NDUFA10: variants seen among roughly 807,000 people sequenced by gnomAD.
NDUFA10 encodes the protein NADH dehydrogenase [ubiquinone] 1 alpha subcomplex subunit 10, mitochondrial.
NDUFA10 carries 40 observed loss-of-function variants against 47.8 expected under a neutral mutation model. The ratio of observed to expected loss-of-function variants is 0.84; its 90% CI spans 0.65 to 1.09. The LOEUF (loss-of-function observed/expected upper bound fraction) is 1.09. Ranked by LOEUF, NDUFA10 falls within the 50% of genes least tolerant of loss-of-function variation. The probability of loss-of-function intolerance (pLI) is 0.00; values close to 1 mark genes in which losing one functional copy is unlikely to be tolerated. For synonymous variants in NDUFA10, 183 were observed against 172.2 expected, an observed-to-expected ratio of 1.06 and a Z score of -0.49; for missense variants, 413 against 451.1, an observed-to-expected ratio of 0.92 and a Z score of 0.76.
At chr2:239,916,015 T>C (rs59778184) in intron 4 of NDUFA10, among the ~76,000 whole-genome samples, 116,626 of 148,420 alleles carry the variant, frequency 0.79, 45,839 homozygotes, top group African/African-American at 0.91. Context: ...AATATACAGA[T>C]ACATAGAGAG....
intron 4 of NDUFA10, among the ~76,000 whole-genome samples, chr2:239,942,242 T>C (rs2106379226): frequency 6.6e-6 from 1 of 152,372 alleles, no homozygotes; most frequent in East Asian, 1.9e-4. Context: ...GCAGCGGTGT[T>C]CACGCGGTAG....
At chr2:240,002,221 C>T (rs544275608) in intron 8 of NDUFA10, among the ~76,000 whole-genome samples, 1 of 150,966 alleles carries the variant, frequency 6.6e-6, no homozygotes, top group East Asian at 2.0e-4. Context: ...ATCCCATCTA[C>T]TCAGGAGGCT....
intron 5 of NDUFA10, among the ~76,000 whole-genome samples, chr2:239,894,040 C>T (rs543611216): frequency 3.5e-5 from 5 of 143,590 alleles, no homozygotes; most frequent in African/African-American, 1.1e-4. Context: ...CTCCCATCCT[C>T]AACTCCATCA....
chr2:239,920,573 T>C (rs541594540), intron 4 of NDUFA10, among the ~76,000 whole-genome samples: 12 of 152,204 alleles, frequency 7.9e-5, no homozygotes, highest in African/African-American at 2.9e-4. Context: ...TTAAATAGCA[T>C]CCCCACTTGC....
At chr2:240,006,130 A>G (rs939717449) in intron 7 of NDUFA10, among the ~76,000 whole-genome samples, 3 of 152,216 alleles carry the variant, frequency 2.0e-5, no homozygotes, top group Admixed American at 1.3e-4. Flanking sequence ...TAGTTTCGGG[A>G]ATTTGAGTAA....
intron 3 of NDUFA10, among the ~76,000 whole-genome samples, chr2:240,019,461 T>C (rs1272695707): frequency 6.6e-6 from 1 of 152,142 alleles, no homozygotes; most frequent in Non-Finnish European, 1.5e-5. Flanking sequence ...ATTTAACAAG[T>C]AAAATGTTTC....
chr2:239,994,082 AACAG>A (rs765422332), intron 8 of NDUFA10, among the ~76,000 whole-genome samples: 13 of 152,218 alleles, frequency 8.5e-5, no homozygotes, highest in Admixed American at 3.3e-4. Flanking sequence ...AGTGCTGTGG[AACAG>A]ACAAATTATT....
chr2:239,940,327 G>C (rs1315585943), intron 4 of NDUFA10, among the ~76,000 whole-genome samples: 1 of 152,264 alleles, frequency 6.6e-6, no homozygotes, highest in Non-Finnish European at 1.5e-5. Context: ...CAAGGGAAGA[G>C]AGTGTGTGGC....
At chr2:239,976,936 T>C (rs1054664627) in intron 9 of NDUFA10, among the ~76,000 whole-genome samples, 1 of 152,116 alleles carries the variant, frequency 6.6e-6, no homozygotes, top group African/African-American at 2.4e-5. Context: ...ACAGCAGCTG[T>C]GCACCTCTTA....
intron 9 of NDUFA10, among the ~76,000 whole-genome samples, chr2:239,961,906 T>A (rs11884895): frequency 0.065 from 9,867 of 152,032 alleles, 1,054 homozygotes; most frequent in African/African-American, 0.22. Context: ...AGGCCCCACT[T>A]CTCCCACCAT....
At chr2:239,978,563 C>T (rs888719522) in intron 9 of NDUFA10, among the ~76,000 whole-genome samples, 3 of 152,216 alleles carry the variant, frequency 2.0e-5, no homozygotes, top group African/African-American at 7.2e-5. Context: ...AGCCAGCCTA[C>T]ACAGGACACC....
At chr2:239,915,837 C>T (rs1035015962) in intron 4 of NDUFA10, among the ~76,000 whole-genome samples, 3 of 149,156 alleles carry the variant, frequency 2.0e-5, no homozygotes, top group African/African-American at 7.4e-5. Flanking sequence ...AACACACACA[C>T]AGAACACACA....
chr2:239,963,057 G>A (rs1288082895), intron 9 of NDUFA10, among the ~76,000 whole-genome samples: 1 of 152,188 alleles, frequency 6.6e-6, no homozygotes, highest in Non-Finnish European at 1.5e-5. Context: ...AGGCGGGGGG[G>A]AGGGTGGCAC....
At chr2:239,989,447 C>A (rs1295729069) in intron 9 of NDUFA10, among the ~76,000 whole-genome samples, 7 of 152,260 alleles carry the variant, frequency 4.6e-5, no homozygotes, top group African/African-American at 1.7e-4. Flanking sequence ...GCCACCACTG[C>A]CGCGGATATG....
At chr2:239,976,072 A>C (rs1695504688) in intron 9 of NDUFA10, among the ~76,000 whole-genome samples, 1 of 152,178 alleles carries the variant, frequency 6.6e-6, no homozygotes, top group African/African-American at 2.4e-5. Flanking sequence ...GTATCTATGA[A>C]TCTTAAATTC....
At chr2:239,973,411 G>A (rs567389765) in intron 9 of NDUFA10, 10 of 434,964 alleles carry the variant, frequency 2.3e-5, no homozygotes, top group Non-Finnish European at 4.6e-5. Flanking sequence ...ACATATTAAA[G>A]TTAATAAAAA....
At chr2:239,930,650 G>A (rs886650305) in intron 4 of NDUFA10, among the ~76,000 whole-genome samples, 6 of 152,122 alleles carry the variant, frequency 3.9e-5, no homozygotes, top group Non-Finnish European at 7.3e-5. Context: ...TACACAGGGC[G>A]GGGTTGTGGG....
At chr2:239,965,915 A>T (rs1695038910) in intron 9 of NDUFA10, among the ~76,000 whole-genome samples, 1 of 152,108 alleles carries the variant, frequency 6.6e-6, no homozygotes, top group Non-Finnish European at 1.5e-5. Context: ...GGCATTTTGG[A>T]CTCATTACAT....
Position 239,978,690 on chromosome 2 carries a change from C to A in NDUFA10, c.999+11384G>T, listed in dbSNP as rs554088522. Among the ~76,000 whole-genome samples the A allele has an allele frequency of 4.6e-5, 7 of 152,252 alleles. No individual in the cohort carries two copies. In the East Asian group the frequency reaches 1.4e-3, roughly 29 times the overall value. On this transcript the variant is annotated intron_variant, in intron 9 of 9. Transcript: ENST00000252711. ...CCAGTTGTACTTGTCATTGCAATTG[C>A]AAAATTTAATTAAATGTTATGAAAA... is the stretch of plus-strand genomic sequence containing the variant.
Sources: allele counts gnomAD v4.1 joint callset (sites outside exome capture counted in the v4.1 genomes callset), GRCh38; gene constraint gnomAD v4.1.1; transcripts MANE v1.5; gene names NCBI Gene and HGNC (gene_info 2026-07-23, HGNC 2026-07-21).